The following GMDS variants were observed in gnomAD, a reference collection of about 807,000 sequenced individuals.
GMDS encodes the protein GDP-mannose 4,6 dehydratase.
A neutral mutation model predicts 49.9 loss-of-function variants in GMDS; 20 were observed. That is an observed-to-expected ratio of 0.40 (90% CI 0.28 to 0.58). The LOEUF is 0.58. GMDS is among the 20% of genes least tolerant of loss of function. The pLI is 0.42. For synonymous variants in GMDS, 177 were observed against 178.6 expected (o/e 0.99, Z 0.07); for missense variants, 362 against 481.4 (o/e 0.75, Z 2.32).
At chr6:1,697,774 A>C (rs1281635213) in intron 9 of GMDS, among the ~76,000 whole-genome samples, 1 of 152,188 alleles carries the variant, frequency 6.6e-6, no homozygotes, top group Non-Finnish European at 1.5e-5. Context: ...CATAAGTAGA[A>C]GTCAGACTAG....
chr6:2,069,201 A>C (rs1367183650), intron 4 of GMDS, among the ~76,000 whole-genome samples: 2 of 152,186 alleles, frequency 1.3e-5, no homozygotes, highest in Non-Finnish European at 2.9e-5. Flanking sequence ...TGCTGGGAAA[A>C]CTGGCTAGCC....
chr6:2,093,506 G>A (rs916161377), intron 4 of GMDS, among the ~76,000 whole-genome samples: 1 of 152,070 alleles, frequency 6.6e-6, no homozygotes, highest in African/African-American at 2.4e-5. Context: ...ACCAATTATA[G>A]ATAACCAGGG....
At chr6:2,104,132 TTC>T (rs1482638108) in intron 4 of GMDS, among the ~76,000 whole-genome samples, 1 of 152,206 alleles carries the variant, frequency 6.6e-6, no homozygotes, top group African/African-American at 2.4e-5. Context: ...TGTGCGTGGT[TTC>T]TCTTTTACTT....
At chr6:2,223,084 T>A (rs1160657360) in intron 1 of GMDS, among the ~76,000 whole-genome samples, 2 of 151,878 alleles carry the variant, frequency 1.3e-5, no homozygotes, top group Non-Finnish European at 2.9e-5. Flanking sequence ...CACAATGACA[T>A]GAACCAATTC....
chr6:1,925,045 G>T (rs1374617046), intron 7 of GMDS, among the ~76,000 whole-genome samples: 1 of 152,108 alleles, frequency 6.6e-6, no homozygotes, highest in African/African-American at 2.4e-5. Context: ...ATTTGTAGCT[G>T]TAAGCCATTA....
At chr6:1,702,702 G>T (rs1474577807) in intron 9 of GMDS, among the ~76,000 whole-genome samples, 1 of 152,186 alleles carries the variant, frequency 6.6e-6, no homozygotes, top group Non-Finnish European at 1.5e-5. Context: ...GCTTCAGCAG[G>T]AAAGTTTCTG....
chr6:1,942,004 C>T (rs1008953370), intron 6 of GMDS, among the ~76,000 whole-genome samples: 4 of 152,214 alleles, frequency 2.6e-5, no homozygotes, highest in Admixed American at 6.5e-5. Flanking sequence ...GGAGAACCTT[C>T]GCACACCTAT....
chr6:1,907,297 T>C (rs1264301678), intron 7 of GMDS, among the ~76,000 whole-genome samples: 2 of 152,158 alleles, frequency 1.3e-5, no homozygotes, highest in African/African-American at 4.8e-5. Context: ...TGGATGGGTT[T>C]CAGCAAATCA....
intron 1 of GMDS, among the ~76,000 whole-genome samples, chr6:2,173,049 C>A (rs927383880): frequency 6.6e-6 from 1 of 152,048 alleles, no homozygotes; most frequent in African/African-American, 2.4e-5. Context: ...AATAAAATTA[C>A]TAATTTTAAA....
intron 6 of GMDS, among the ~76,000 whole-genome samples, chr6:1,956,856 G>C (rs1474243678): frequency 6.6e-6 from 1 of 151,204 alleles, no homozygotes; most frequent in Non-Finnish European, 1.5e-5. Flanking sequence ...CTGTCGCCTG[G>C]GCTGGCACAA....
chr6:1,722,554 T>C (rs2113428315), intron 9 of GMDS, among the ~76,000 whole-genome samples: 1 of 152,348 alleles, frequency 6.6e-6, no homozygotes, highest in East Asian at 1.9e-4. Context: ...TGCCAGACAC[T>C]GTACTAATAA....
chr6:1,820,845 T>C (rs148131004), intron 7 of GMDS, among the ~76,000 whole-genome samples: 2 of 152,370 alleles, frequency 1.3e-5, no homozygotes, highest in East Asian at 3.9e-4. Flanking sequence ...ATATGAATTA[T>C]CAGTTGAGAT....
chr6:2,170,365 C>A (rs1223219294), intron 1 of GMDS, among the ~76,000 whole-genome samples: 1 of 152,128 alleles, frequency 6.6e-6, no homozygotes, highest in Non-Finnish European at 1.5e-5. Context: ...CTAGCTCATA[C>A]CTATAATCTA....
intron 7 of GMDS, among the ~76,000 whole-genome samples, chr6:1,781,972 C>T (rs1212671056): frequency 6.6e-6 from 1 of 152,116 alleles, no homozygotes; most frequent in Admixed American, 6.5e-5. Context: ...CTACACCTCG[C>T]CGCCAAGTTC....
At chr6:2,216,895 T>G (rs1780362560) in intron 1 of GMDS, among the ~76,000 whole-genome samples, 1 of 152,122 alleles carries the variant, frequency 6.6e-6, no homozygotes, top group Admixed American at 6.6e-5. Context: ...CAACCCCTTT[T>G]CGCAGCCAAC....
At chr6:2,123,327 C>T (rs1437343431) in intron 2 of GMDS, among the ~76,000 whole-genome samples, 4 of 152,208 alleles carry the variant, frequency 2.6e-5, no homozygotes, top group Admixed American at 6.5e-5. Flanking sequence ...AAGAGTGGAT[C>T]GCAACACTTG....
intron 4 of GMDS, among the ~76,000 whole-genome samples, chr6:2,101,733 C>T (rs1773939089): frequency 6.6e-6 from 1 of 152,010 alleles, no homozygotes; most frequent in South Asian, 2.1e-4. Context: ...ATTTATATTA[C>T]ACAAATTTTT....
chr6:2,112,294 T>C lies in GMDS; in HGVS notation c.345+3477A>G, dbSNP rs188105609. Among the ~76,000 whole-genome samples, 725 of 152,338 alleles carry C rather than the reference T, an allele frequency of 4.8e-3. 5 individuals are homozygous for C. Among genetic ancestry groups the C allele is most frequent in the Non-Finnish European group, 8.0e-3 (542 of 68,028 alleles). ...CGTAGTTTTGGGCTTTAAAAGCTCA[T>C]TAAGTCATTAACTAGTAAGTAATAG... On this transcript the variant is annotated intron_variant, in intron 4 of 10. Coordinates refer to ENST00000380815, the MANE Select transcript of GMDS (RefSeq NM_001500.4).
intron 4 of GMDS, among the ~76,000 whole-genome samples, chr6:2,060,463 A>C (rs1771080742): frequency 6.6e-6 from 1 of 152,216 alleles, no homozygotes; most frequent in Non-Finnish European, 1.5e-5. Flanking sequence ...CATTCAAATC[A>C]TGATGACTGG....
Sources: allele counts gnomAD v4.1 joint callset (sites outside exome capture counted in the v4.1 genomes callset), GRCh38; gene constraint gnomAD v4.1.1; transcripts MANE v1.5; gene names NCBI Gene and HGNC (gene_info 2026-07-23, HGNC 2026-07-21).